PAM16: variants seen among roughly 807,000 people sequenced by gnomAD.
The protein encoded by PAM16 is presequence translocase associated motor 16.
In PAM16, 11 loss-of-function variants were observed where a neutral mutation model predicts 17.9. The observed-to-expected ratio is 0.62, with a 90% confidence interval of 0.39 to 1.02. The LOEUF is 1.02. Among genes scored for constraint, PAM16 ranks in the 50% least tolerant of loss-of-function variants. The pLI is 0.01. For missense variants in PAM16, 199 were observed against 165.4 expected (o/e 1.20, Z -1.11); for synonymous variants, 72 against 67.4 (o/e 1.07, Z -0.34).
chr16:4,348,171 G>A (rs758816479), intron 1 of PAM16: 9 of 152,230 alleles, frequency 5.9e-5, no homozygotes, highest in Non-Finnish European at 8.8e-5. Flanking sequence ...ACTGTAGCAC[G>A]TGCCACAACA....
intron 1 of PAM16, among the ~76,000 whole-genome samples, chr16:4,349,769 A>G (rs1237740739): frequency 6.6e-6 from 1 of 152,102 alleles, no homozygotes; most frequent in Non-Finnish European, 1.5e-5. Context: ...CCTATCTCAA[A>G]AAACAAACCA....
Position 4,351,162 on chromosome 16 carries a change from C to G in PAM16, c.3+70G>C. On this transcript the variant is annotated intron_variant, in intron 1 of 4. Transcript: ENST00000318059. ...GGCGCCCGCCGCCCAGCCCGGAGCT[C>G]GCCGCCCGGCCCCCGGCCCCCGGCC... 4.0e-6 allele frequency: 4 copies of G among 988,728 alleles called. No individual in the cohort carries two copies. The Admixed American group carries it at 1.2e-4, about 31-fold the overall frequency. 61.2% of individuals were successfully genotyped at this position (988,728 alleles called of 1,614,324 possible).
chr16:4,350,510 C>T (rs2053834309), intron 1 of PAM16, among the ~76,000 whole-genome samples: 1 of 151,832 alleles, frequency 6.6e-6, no homozygotes, highest in Non-Finnish European at 1.5e-5. Context: ...AAGCGTCTGT[C>T]CTGCCTCAGC....
chr16:4,344,773 A>G (rs1267612071), intron 1 of PAM16, among the ~76,000 whole-genome samples: 1 of 43,238 alleles, frequency 2.3e-5, no homozygotes, highest in Non-Finnish European at 4.1e-5. Flanking sequence ...CCGTGAGAGG[A>G]GGGGGTTCTG....
chr16:4,351,289 G>A lies in PAM16; in HGVS notation c.-55C>T. On this transcript the variant is annotated 5_prime_UTR_variant, in exon 1 of 5. Transcript: ENST00000318059. ...TCCGACTTCCTGGCCCCGCGGCCGG[G>A]GATCAAGCGTGGTCGGCGGGTCAGA... is the stretch of plus-strand genomic sequence containing the variant. The A allele has an allele frequency of 3.5e-6, 5 of 1,415,070 alleles. No individual in the cohort carries two copies. The South Asian group carries it at 4.7e-5, about 13-fold the overall frequency. The allele number at this position is 1,415,070 out of a possible 1,614,324, so 87.7% of individuals were successfully genotyped here.
chr16:4,343,207 CT>C lies in PAM16; in HGVS notation c.87del (p.Ala30ProfsTer39). 1 of 1,612,776 alleles carries C rather than the reference CT, an allele frequency of 6.2e-7. No individual in the cohort carries two copies. Among genetic ancestry groups the C allele is most frequent in the Non-Finnish European group, 8.5e-7 (1 of 1,179,952 alleles). On this transcript the variant is annotated frameshift_variant and splice_region_variant, in exon 2 of 5. Coordinates refer to ENST00000318059, the MANE Select transcript of PAM16 (RefSeq NM_016069.11). LOFTEE classifies it high-confidence loss of function. ...AFARALRQEF[A>X]ASRAAADARG... ...ACAGGGGAGACGGACCCATGCTTAC[CT>C]GCAAACTCCTGCCGCAAGGCCCGTG...
chr16:4,346,344 G>A (rs923409604), intron 1 of PAM16, among the ~76,000 whole-genome samples: 2 of 152,180 alleles, frequency 1.3e-5, no homozygotes, highest in African/African-American at 4.8e-5. Flanking sequence ...TGTAAAATGT[G>A]GCCACCAATA....
At chr16:4,343,394 G>A in intron 1 of PAM16, 103 bp from the exon 2 acceptor site, 8 of 1,499,676 alleles carry the variant, frequency 5.3e-6, no homozygotes, top group Non-Finnish European at 6.3e-6. Context: ...GGAGACCCGA[G>A]GTCATGAAGC....
At chr16:4,343,455 T>C in intron 1 of PAM16, 164 bp from the exon 2 acceptor site, 1 of 1,430,652 alleles carries the variant, frequency 7.0e-7, no homozygotes, top group East Asian at 2.5e-5. Flanking sequence ...GAATGAAAGC[T>C]TCCATGGTGG....
chr16:4,343,232 T>C lies in PAM16; in HGVS notation c.63A>G (p.Ala21=). Residue 21 remains alanine (A), a synonymous_variant, in exon 2 of 5, where the codon GCA becomes GCG. Transcript: ENST00000318059. ...MGVQVVGRAF[A]RALRQEFAAS... ...CTGCAAACTCCTGCCGCAAGGCCCG[T>C]GCAAAGGCCCTGCCCACCACCTGCA... 6.2e-7 allele frequency: 1 copy of C among 1,612,694 alleles called. No individual in the cohort carries two copies. The highest frequency in any genetic ancestry group is 8.5e-7 in the Non-Finnish European group (1 of 1,179,916).
At chr16:4,350,557 C>A (rs1596257241) in intron 1 of PAM16, among the ~76,000 whole-genome samples, 1 of 152,120 alleles carries the variant, frequency 6.6e-6, no homozygotes, top group South Asian at 2.1e-4. Context: ...CGCACCACCC[C>A]ACCCGGCTAA....
intron 1 of PAM16, chr16:4,343,884 T>C (rs543207116): frequency 7.5e-6 from 3 of 397,994 alleles, no homozygotes; most frequent in East Asian, 7.1e-5. Context: ...ATGGACCAAA[T>C]CATGAGGGAG....
rs551134317 is a variant in PAM16 at position 4,342,160 on chromosome 16, C to A, written c.89-656G>T. 3.9e-5 allele frequency among the ~76,000 whole-genome samples: 6 copies of A among 152,040 alleles called. No individual in the cohort carries two copies. In the South Asian group the frequency reaches 1.2e-3, roughly 32 times the overall value. ...GGTCAAGAGATCGAGACCATCCTGG[C>A]CAAAATGATGAAAACCTGTAAAATA... On this transcript the variant is annotated intron_variant, in intron 2 of 4. Transcript: ENST00000318059.
At chr16:4,343,851 C>G (rs553935082) in intron 1 of PAM16, 1 of 400,058 alleles carries the variant, frequency 2.5e-6, no homozygotes, top group Non-Finnish European at 4.4e-6. Flanking sequence ...TAAAAGCCCA[C>G]TAGGAGGGTA....
At position 4,351,255 on chromosome 16, in the gene PAM16, G is replaced by C; in HGVS notation, c.-21C>G. 6.8e-7 allele frequency: 1 copy of C among 1,467,836 alleles called. No individual in the cohort carries two copies. Among genetic ancestry groups the C allele is most frequent in the Non-Finnish European group, 9.1e-7 (1 of 1,102,730 alleles). 90.9% of individuals were successfully genotyped at this position (1,467,836 alleles called of 1,614,324 possible). On this transcript the variant is annotated 5_prime_UTR_variant, in exon 1 of 5. Transcript: ENST00000318059. ...ACCATGGCAGCCGCTCTGCCTCCGG[G>C]GCTCAAACTCCGACTTCCTGGCCCC...
At chr16:4,350,987 T>G in intron 1 of PAM16, 1 of 314,110 alleles carries the variant, frequency 3.2e-6, no homozygotes, top group East Asian at 5.1e-5. Flanking sequence ...ACACGCGGGC[T>G]AGGCACAGCG....
intron 1 of PAM16, 49 bp downstream of exon 1, chr16:4,351,183 C>G: frequency 1.6e-6 from 2 of 1,213,280 alleles, no homozygotes; most frequent in Non-Finnish European, 2.1e-6. Flanking sequence ...CCCCGGCCCC[C>G]GGCCCGACTC....
rs544697489 is a variant in PAM16, at chr16:4,350,314, A to G, written c.3+918T>C. ...ATATATTATGTGTGTGTGTGTGTAT[A>G]TATATATATAAAATACATGATATAT... On this transcript the variant is annotated intron_variant, in intron 1 of 4. Coordinates refer to ENST00000318059, the MANE Select transcript of PAM16 (RefSeq NM_016069.11). Among the ~76,000 whole-genome samples the G allele has an allele frequency of 1.7e-3, 254 of 150,038 alleles. 1 individual carries two copies. Among genetic ancestry groups the G allele is most frequent in the Non-Finnish European group, 2.7e-3 (186 of 67,646 alleles).
chr16:4,345,116 T>C (rs2053734907), intron 1 of PAM16, among the ~76,000 whole-genome samples: 1 of 151,880 alleles, frequency 6.6e-6, no homozygotes, highest in South Asian at 2.1e-4. Flanking sequence ...ATCTTGTGAC[T>C]GCAAAGCCGT....
Sources: gnomAD v4.1 joint callset for allele counts (sites outside exome capture counted in the v4.1 genomes callset) on GRCh38, gnomAD v4.1.1 for gene constraint, MANE v1.5 for transcripts, NCBI Gene and HGNC (gene_info 2026-07-23, HGNC 2026-07-21) for gene names.